AGA: variants seen among roughly 807,000 people sequenced by gnomAD.
The protein encoded by AGA is N(4)-(beta-N-acetylglucosaminyl)-L-asparaginase.
Under a neutral mutation model 40.1 loss-of-function variants are expected in AGA, and 31 were observed. That is an observed-to-expected ratio of 0.77 (90% confidence interval 0.58 to 1.04). The LOEUF (loss-of-function observed/expected upper bound fraction) is 1.04. AGA is among the 50% of genes least tolerant of loss of function. The pLI is 0.00. For synonymous variants in AGA, 148 were observed against 144.0 expected (o/e 1.03, Z -0.20); for missense variants, 445 against 435.4 (o/e 1.02, Z -0.20).
Position 177,434,403 on chromosome 4 carries a change from A to G in AGA, c.785T>C (p.Ile262Thr), listed in dbSNP as rs772697272. The change falls in exon 7 of 9, where the codon ATA becomes ACA. Residue 262 changes from isoleucine to threonine, a missense_variant. By Grantham distance (89) the Ile-to-Thr change is moderately conservative (BLOSUM62 -1). Coordinates refer to ENST00000264595, the MANE Select transcript of AGA (RefSeq NM_000027.4). Reference sequence around the variant, plus strand: ...ATACCTTGGCAGGAAGCGCATCAATATATCACCATTCCCAGTGGCTGCGGC... The same window carrying G: ...ATACCTTGGCAGGAAGCGCATCAATGTATCACCATTCCCAGTGGCTGCGGC... ...GAAAATGNGD[I>T]LMRFLPSYQA... 2.5e-6 allele frequency: 4 copies of G among 1,614,158 alleles called. No homozygotes were observed. Among genetic ancestry groups the G allele is most frequent in the South Asian group, 1.1e-5 (1 of 91,080 alleles).
At chr4:177,437,229 A>G (rs1736851634) in intron 5 of AGA, 176 bp downstream of exon 5, 11 of 594,984 alleles carry the variant, frequency 1.8e-5, no homozygotes, top group South Asian at 1.8e-4. Flanking sequence ...GTCTTGTATA[A>G]ATAATTTGCC....
At position 177,437,510 on chromosome 4, in the gene AGA, G is replaced by A. The variant is rs779002110; in HGVS notation, c.517C>T (p.Pro173Ser). 1.2e-6 allele frequency: 2 copies of A among 1,602,650 alleles called. No individual in the cohort carries two copies. The highest frequency in any genetic ancestry group is 1.7e-6 in the Non-Finnish European group (2 of 1,169,698). The change falls in exon 5 of 9, where the codon CCA becomes TCA. Residue 173 changes from proline (P) to serine (S), a missense_variant. Physicochemically the swap from Pro to Ser is moderately conservative, Grantham distance 74 (BLOSUM62 -1). Coordinates refer to ENST00000264595, the MANE Select transcript of AGA (RefSeq NM_000027.4). ...GGTCCGCAGTATTTTGAGGGATCTG[G>A]TATAACATTCTGTAAACAAGATTTA... ...CQPNYWRNVIPDPSKYCGPYK... is the reference protein window; with the variant it reads ...CQPNYWRNVISDPSKYCGPYK...
chr4:177,432,948 C>G (rs1399978584), intron 8 of AGA, among the ~76,000 whole-genome samples: 2 of 152,094 alleles, frequency 1.3e-5, no homozygotes, highest in Non-Finnish European at 2.9e-5. Flanking sequence ...GGAGCTGAAG[C>G]TAAACTTCAT....
At chr4:177,434,763 G>C (rs777785392) in intron 6 of AGA, among the ~76,000 whole-genome samples, 1 of 152,168 alleles carries the variant, frequency 6.6e-6, no homozygotes, top group Admixed American at 6.5e-5. Flanking sequence ...CTGGAGGCTG[G>C]GGGGAGGGGG....
chr4:177,441,073 G>C lies in AGA; in HGVS notation c.128-647C>G, dbSNP rs951764152. Among the ~76,000 whole-genome samples, 3 of 152,300 alleles carry C rather than the reference G, an allele frequency of 2.0e-5. No individual in the cohort carries two copies. The South Asian group carries it at 6.2e-4, about 32-fold the overall frequency. On this transcript the variant is annotated intron_variant, in intron 1 of 8. Transcript: ENST00000264595. Reference sequence around the variant, plus strand: ...GAGCCAGGATCCCATACATTTGGGGGTGTGGGGGGAAGGGTCTTTGATGGA... The same window carrying C: ...GAGCCAGGATCCCATACATTTGGGGCTGTGGGGGGAAGGGTCTTTGATGGA...
chr4:177,438,536 C>T (rs1266472289), intron 4 of AGA, among the ~76,000 whole-genome samples: 1 of 152,096 alleles, frequency 6.6e-6, no homozygotes, highest in Non-Finnish European at 1.5e-5. Flanking sequence ...TGTGAGAGAC[C>T]AGTAGCTCTC....
intron 6 of AGA, 77 bp downstream of exon 6, chr4:177,436,199 A>C: frequency 8.2e-7 from 1 of 1,218,820 alleles, no homozygotes; most frequent in South Asian, 1.2e-5. Flanking sequence ...TGTGCTTTGC[A>C]ACCCCCATAG....
At chr4:177,439,145 G>A (rs1366422664) in intron 3 of AGA, among the ~76,000 whole-genome samples, 1 of 152,176 alleles carries the variant, frequency 6.6e-6, no homozygotes, top group Non-Finnish European at 1.5e-5. Context: ...CACTTTGGGA[G>A]GCTGAGGCGG....
intron 8 of AGA, 106 bp from the exon 9 acceptor site, chr4:177,431,914 A>G: frequency 1.1e-6 from 1 of 911,260 alleles, no homozygotes; most frequent in Non-Finnish European, 1.8e-6. Context: ...TGTATACCTT[A>G]TGTCTAAGCC....
chr4:177,442,379 T>C lies in AGA; in HGVS notation c.-4A>G. The C allele has an allele frequency of 6.2e-7, 1 of 1,613,830 alleles. No individual in the cohort carries two copies. The highest frequency in any genetic ancestry group is 1.7e-4 in the Middle Eastern group (1 of 6,060). ...GCAAGTTCGACTTCCGCGCCATCCC[T>C]GACCACCGAAGAGACCAGCGCGAGA... On this transcript the variant is annotated 5_prime_UTR_variant, in exon 1 of 9. Transcript: ENST00000264595.
At position 177,430,845 on chromosome 4, in the gene AGA, T is replaced by C. The variant is rs1304215094; in HGVS notation, c.*863A>G. 2.2e-6 allele frequency: 1 copy of C among 454,094 alleles called. No homozygotes were observed. Among genetic ancestry groups the C allele is most frequent in the Non-Finnish European group, 4.4e-6 (1 of 226,770 alleles). The allele number at this position is 454,094 out of a possible 1,614,324, so 28.1% of individuals were successfully genotyped here. A position where few individuals can be genotyped will look rare whatever the true frequency, so the allele number is the denominator to read the frequency against. On this transcript the variant is annotated 3_prime_UTR_variant, in exon 9 of 9. Transcript: ENST00000264595. ...GATGATTTTGAAGGAAAAATGCTGC[T>C]GAGAAAGCACGCGCACAACTTCTGT...
At position 177,430,990 on chromosome 4, in the gene AGA, C is replaced by T. The variant is rs72988642; in HGVS notation, c.*718G>A. ...ACAAGGAATTAGTAAAATTACAGTA[C>T]AGATCAAGTTCCCCAAATCATTTTT... On this transcript the variant is annotated 3_prime_UTR_variant, in exon 9 of 9. Transcript: ENST00000264595. 1.4e-3 allele frequency: 650 copies of T among 454,016 alleles called. 3 individuals carry two copies. The highest frequency in any genetic ancestry group is 0.011 in the African/African-American group (557 of 50,104). The allele number at this position is 454,016 out of a possible 1,614,324, so 28.1% of individuals were successfully genotyped here.
chr4:177,431,803 C>T lies in AGA; in HGVS notation c.946G>A (p.Ala316Thr). ...CANVTGSYGAACNKLSTFTQF... is the reference protein window; with the variant it reads ...CANVTGSYGATCNKLSTFTQF... ...GTAAATGTTGAAAGTTTATTGCAAG[C>T]AGCACCTGGGGCCAAAAATGAGAAA... Residue 316 changes from alanine to threonine, a missense_variant, in exon 9 of 9, where the codon GCT becomes ACT. Transcript: ENST00000264595. 6.2e-7 allele frequency: 1 copy of T among 1,613,612 alleles called. No homozygotes were observed. Among genetic ancestry groups the T allele is most frequent in the Non-Finnish European group, 8.5e-7 (1 of 1,179,644 alleles).
At position 177,438,813 on chromosome 4, in the gene AGA, A is replaced by G. The variant is rs386833428; in HGVS notation, c.439T>C (p.Ser147Pro). ...TGAAGAGCTTGAGAAGCAGTGGTAG[A>G]TAAGTCTTCATTGATAAACCCCATA... The part of the protein sequence containing the change: ...QSMGFINEDL[S>P]TTASQALHSD... Residue 147 changes from serine to proline, a missense_variant, in exon 4 of 9, where the codon TCT becomes CCT. Ser to Pro is a moderately conservative substitution (Grantham distance 74). Coordinates refer to ENST00000264595, the MANE Select transcript of AGA (RefSeq NM_000027.4). 16 of 1,610,510 alleles carry G rather than the reference A, an allele frequency of 9.9e-6. No homozygotes were observed. The highest frequency in any genetic ancestry group is 1.2e-5 in the Non-Finnish European group (14 of 1,176,774).
chr4:177,442,198 C>T (rs776742063), intron 1 of AGA, 51 bp downstream of exon 1: 15 of 1,608,222 alleles, frequency 9.3e-6, no homozygotes, highest in East Asian at 8.9e-5. Flanking sequence ...TAGTCATCCC[C>T]ACCCGCAAGC....
chr4:177,434,004 T>C (rs1736713015), intron 7 of AGA, among the ~76,000 whole-genome samples: 1 of 152,156 alleles, frequency 6.6e-6, no homozygotes, highest in African/African-American at 2.4e-5. Flanking sequence ...CTTTCTTTTA[T>C]TTTCTTGAGA....
In AGA at chr4:177,437,492, A is replaced by C. The variant is rs1187962299; in HGVS notation, c.535T>G (p.Cys179Gly). The C allele has an allele frequency of 6.2e-7, 1 of 1,611,412 alleles. No individual in the cohort carries two copies. Reference protein sequence around the residue: ...RNVIPDPSKYCGPYKPPGILK... With the variant: ...RNVIPDPSKYGGPYKPPGILK... ...ATACCAGGTGGTTTGTAGGGTCCGC[A>C]GTATTTTGAGGGATCTGGTATAACA... Residue 179 changes from cysteine (C) to glycine (G), a missense_variant, in exon 5 of 9, where the codon TGC becomes GGC. Coordinates refer to ENST00000264595, the MANE Select transcript of AGA (RefSeq NM_000027.4).
rs747115417 is a variant in AGA at position 177,431,798 on chromosome 4, G to A, written c.951C>T (p.Cys317=). The change falls in exon 9 of 9, where the codon TGC becomes TGT. Residue 317 remains cysteine, a synonymous_variant. Transcript: ENST00000264595. The part of the protein sequence containing the change: ...ANVTGSYGAA[C]NKLSTFTQFS... ...ACTGAGTAAATGTTGAAAGTTTATT[G>A]CAAGCAGCACCTGGGGCCAAAAATG... is the stretch of plus-strand genomic sequence containing the variant. The A allele has an allele frequency of 2.5e-6, 4 of 1,613,710 alleles. No individual in the cohort carries two copies. The highest frequency in any genetic ancestry group is 2.5e-6 in the Non-Finnish European group (3 of 1,179,714).
chr4:177,431,852 C>G lies in AGA; in HGVS notation c.941-44G>C, dbSNP rs760441807. 9 of 1,494,868 alleles carry G rather than the reference C, an allele frequency of 6.0e-6. No homozygotes were observed. The Admixed American group carries it at 1.5e-4, about 25-fold the overall frequency. 92.6% of individuals were successfully genotyped at this position (1,494,868 alleles called of 1,614,324 possible). A position where few individuals can be genotyped will look rare whatever the true frequency, so the allele number is the denominator to read the frequency against. Reference sequence around the variant, plus strand: ...AAGAAGTTTGGTGAACTATAGGATGCACATATTTATAACCAATACAGATAC... The same window carrying G: ...AAGAAGTTTGGTGAACTATAGGATGGACATATTTATAACCAATACAGATAC... On this transcript the variant is annotated intron_variant, in intron 8 of 8. Coordinates refer to ENST00000264595, the MANE Select transcript of AGA (RefSeq NM_000027.4).
Sources: gnomAD v4.1 joint callset for allele counts (sites outside exome capture counted in the v4.1 genomes callset) on GRCh38, gnomAD v4.1.1 for gene constraint, MANE v1.5 for transcripts, NCBI Gene and HGNC (gene_info 2026-07-23, HGNC 2026-07-21) for gene names.